The following ADAMTS9 variants were observed in gnomAD, a reference collection of about 807,000 sequenced individuals.
ADAMTS9 encodes A disintegrin and metalloproteinase with thrombospondin motifs 9.
A neutral mutation model predicts 257.1 loss-of-function variants in ADAMTS9; 107 were observed. The ratio of observed to expected loss-of-function variants is 0.42; its 90% confidence interval spans 0.36 to 0.49. The LOEUF (loss-of-function observed/expected upper bound fraction) is 0.49, where lower values mean the gene tolerates loss of function less well. Among genes scored for constraint, ADAMTS9 ranks in the 20% least tolerant of loss-of-function variants. The probability of loss-of-function intolerance (pLI) is 0.03; values close to 1 mark genes in which losing one functional copy is unlikely to be tolerated. For missense variants in ADAMTS9, 2,353 were observed against 2,469.1 expected (o/e 0.95, Z 1.00); for synonymous variants, 982 against 880.9 (o/e 1.11, Z -2.03).
At chr3:64,523,545 T>A (rs1290103598) in intron 38 of ADAMTS9, among the ~76,000 whole-genome samples, 1 of 152,184 alleles carries the variant, frequency 6.6e-6, no homozygotes, top group Non-Finnish European at 1.5e-5. Flanking sequence ...AGTAAAAATA[T>A]GTGTGGAGCA....
At chr3:64,595,501 G>A (rs1340656514) in intron 27 of ADAMTS9, among the ~76,000 whole-genome samples, 3 of 152,216 alleles carry the variant, frequency 2.0e-5, no homozygotes, top group African/African-American at 4.8e-5. Context: ...CAGCAAGTTC[G>A]TGTACTCTCC....
chr3:64,656,155 T>C, intron 4 of ADAMTS9: 1 of 266,992 alleles, frequency 3.7e-6, no homozygotes, highest in East Asian at 7.9e-5. Context: ...ACACTGGATA[T>C]TAATTTTCCA....
In ADAMTS9 at chr3:64,519,718, C is replaced by T. The variant is rs185868232; in HGVS notation, c.*5+2448G>A. On this transcript the variant is annotated intron_variant, in intron 39 of 39. Coordinates refer to ENST00000498707, the MANE Select transcript of ADAMTS9 (RefSeq NM_182920.2). ...AACAATATGACCATATCAATAGATG[C>T]AGAAAAAGCATTAGATAAAATCCAA... Among the ~76,000 whole-genome samples, 9 of 152,184 alleles carry T rather than the reference C, an allele frequency of 5.9e-5. No individual in the cohort carries two copies. In the East Asian group the frequency reaches 1.7e-3, roughly 29 times the overall value.
At chr3:64,584,452 T>G (rs2032595417) in intron 28 of ADAMTS9, among the ~76,000 whole-genome samples, 1 of 152,136 alleles carries the variant, frequency 6.6e-6, no homozygotes, top group Non-Finnish European at 1.5e-5. Context: ...CTGTTTCTGC[T>G]GAGCTCTGCC....
chr3:64,558,720 T>A (rs536709610), intron 30 of ADAMTS9, among the ~76,000 whole-genome samples: 2 of 152,108 alleles, frequency 1.3e-5, no homozygotes, highest in Non-Finnish European at 2.9e-5. Flanking sequence ...ATAGTCCACA[T>A]AGGGGACTAT....
At chr3:64,613,039 G>A (rs2084695513) in intron 22 of ADAMTS9, among the ~76,000 whole-genome samples, 1 of 152,152 alleles carries the variant, frequency 6.6e-6, no homozygotes, top group Non-Finnish European at 1.5e-5. Flanking sequence ...CACGCTAGAA[G>A]ATAACATCAG....
intron 3 of ADAMTS9, among the ~76,000 whole-genome samples, chr3:64,664,468 C>A (rs1395751294): frequency 6.6e-6 from 1 of 152,132 alleles, no homozygotes; most frequent in Non-Finnish European, 1.5e-5. Flanking sequence ...AATCACTAAC[C>A]TATATTGTTC....
At chr3:64,667,908 T>TA (rs1247177007) in intron 3 of ADAMTS9, among the ~76,000 whole-genome samples, 1 of 152,228 alleles carries the variant, frequency 6.6e-6, no homozygotes, top group Non-Finnish European at 1.5e-5. Flanking sequence ...AGAAAATATT[T>TA]AAAGTATCTA....
intron 31 of ADAMTS9, among the ~76,000 whole-genome samples, chr3:64,549,333 A>G (rs2083241401): frequency 6.6e-6 from 1 of 152,078 alleles, no homozygotes; most frequent in African/African-American, 2.4e-5. Context: ...GAGTAATATG[A>G]CTCAAGTCCC....
chr3:64,656,573 G>A (rs763417800), intron 4 of ADAMTS9, among the ~76,000 whole-genome samples: 3 of 152,176 alleles, frequency 2.0e-5, no homozygotes, highest in Admixed American at 2.0e-4. Context: ...GAGTAGAAGA[G>A]CCAGAACTCT....
intron 11 of ADAMTS9, among the ~76,000 whole-genome samples, chr3:64,642,776 C>G (rs555889650): frequency 2.0e-5 from 3 of 152,158 alleles, no homozygotes; most frequent in Admixed American, 2.0e-4. Flanking sequence ...AGGAGGGTGA[C>G]GCCCCGCGGC....
chr3:64,606,863 C>A, intron 23 of ADAMTS9, 97 bp downstream of exon 23: 2 of 1,500,830 alleles, frequency 1.3e-6, no homozygotes, highest in Non-Finnish European at 1.8e-6. Context: ...TACTGACATA[C>A]TTATCTATGA....
intron 8 of ADAMTS9, among the ~76,000 whole-genome samples, chr3:64,652,918 T>C (rs1031660885): frequency 1.3e-5 from 2 of 152,294 alleles, no homozygotes; most frequent in East Asian, 1.9e-4. Flanking sequence ...ACAAACTTTG[T>C]TTCATGCATA....
chr3:64,517,242 T>G, intron 39 of ADAMTS9, 121 bp from the exon 40 acceptor site: 1 of 152,080 alleles, frequency 6.6e-6, no homozygotes, highest in East Asian at 1.9e-4. Flanking sequence ...TTCTCTAGAT[T>G]TTATTTTTAT....
intron 3 of ADAMTS9, among the ~76,000 whole-genome samples, chr3:64,661,594 C>T (rs1467653344): frequency 1.3e-5 from 2 of 152,108 alleles, no homozygotes; most frequent in Non-Finnish European, 2.9e-5. Flanking sequence ...TGTGCTCTTT[C>T]GATTAGGTGA....
At chr3:64,557,243 G>C (rs1219200799) in intron 30 of ADAMTS9, among the ~76,000 whole-genome samples, 1 of 152,128 alleles carries the variant, frequency 6.6e-6, no homozygotes, top group East Asian at 1.9e-4. Context: ...GGTAAAGGGG[G>C]AAAAGAACAC....
intron 19 of ADAMTS9, among the ~76,000 whole-genome samples, chr3:64,618,833 A>C (rs920062252): frequency 6.6e-6 from 1 of 152,148 alleles, no homozygotes; most frequent in Non-Finnish European, 1.5e-5. Flanking sequence ...GCATCATTTT[A>C]CACAAAAACT....
intron 38 of ADAMTS9, among the ~76,000 whole-genome samples, chr3:64,529,246 T>C (rs534473031): frequency 1.3e-5 from 2 of 152,296 alleles, no homozygotes; most frequent in South Asian, 2.1e-4. Context: ...AAGTCAACAG[T>C]GAACTTGATA....
In ADAMTS9 at chr3:64,681,242, T is replaced by TG; in HGVS notation, c.637dup (p.Gln213ProfsTer12). The TG allele has an allele frequency of 6.2e-7, 1 of 1,613,928 alleles. No individual in the cohort carries two copies. The highest frequency in any genetic ancestry group is 1.7e-5 in the Admixed American group (1 of 60,000). On this transcript the variant is annotated frameshift_variant, in exon 3 of 40. Transcript: ENST00000498707. LOFTEE classifies it high-confidence loss of function. ...ATGCCTTCCTGTTGAGGGCTCTCTC[T>TG]GGGGGGCGCTGCGCCTATAAATGAT...
Sources: allele counts gnomAD v4.1 joint callset (sites outside exome capture counted in the v4.1 genomes callset), GRCh38; gene constraint gnomAD v4.1.1; transcripts MANE v1.5; gene names NCBI Gene and HGNC (gene_info 2026-07-23, HGNC 2026-07-21).